Variants in FGF14 observed in about 807,000 individuals in gnomAD.
The protein encoded by FGF14 is fibroblast growth factor homologous factor 4.
A neutral mutation model predicts 25.5 loss-of-function variants in FGF14; 5 were observed. The ratio of observed to expected loss-of-function variants is 0.20; its 90% confidence interval spans 0.10 to 0.41. The LOEUF is 0.41. Ranked by LOEUF, FGF14 falls within the 10% of genes least tolerant of loss-of-function variation. FGF14 has a pLI of 1.00. For synonymous variants in FGF14, 138 were observed against 118.3 expected (o/e 1.17, Z -1.08); for missense variants, 222 against 320.1 (o/e 0.69, Z 2.34).
chr13:102,249,041 T>G (rs2052027921), intron 1 of FGF14, among the ~76,000 whole-genome samples: 1 of 152,106 alleles, frequency 6.6e-6, no homozygotes, highest in African/African-American at 2.4e-5. Flanking sequence ...ACATGGGTTC[T>G]AGGTATGGTG....
At chr13:102,156,579 C>G (rs1380470870) in intron 1 of FGF14, among the ~76,000 whole-genome samples, 5 of 152,198 alleles carry the variant, frequency 3.3e-5, no homozygotes, top group Admixed American at 6.5e-5. Flanking sequence ...AAACTGGAAG[C>G]ATTCCCTTTG....
At chr13:102,223,207 AC>A (rs2050693890) in intron 1 of FGF14, among the ~76,000 whole-genome samples, 3 of 152,152 alleles carry the variant, frequency 2.0e-5, no homozygotes, top group African/African-American at 7.2e-5. Flanking sequence ...ATGTAAGACC[AC>A]TTTACTAAAA....
At chr13:101,863,380 T>C (rs927365337) in intron 3 of FGF14, among the ~76,000 whole-genome samples, 3 of 152,176 alleles carry the variant, frequency 2.0e-5, no homozygotes, top group African/African-American at 7.2e-5. Flanking sequence ...GCAATGGATG[T>C]TGATGGCCAG....
At chr13:102,167,772 A>G (rs1167313615) in intron 1 of FGF14, among the ~76,000 whole-genome samples, 1 of 150,498 alleles carries the variant, frequency 6.6e-6, no homozygotes, top group Admixed American at 6.7e-5. Flanking sequence ...TCATTAAGAT[A>G]TTAGAAACTG....
chr13:102,032,186 T>C (rs942456573), intron 1 of FGF14, among the ~76,000 whole-genome samples: 2 of 152,148 alleles, frequency 1.3e-5, no homozygotes, highest in Non-Finnish European at 2.9e-5. Flanking sequence ...TATATCCACA[T>C]TGGAATCAAA....
chr13:101,916,535 G>A lies in FGF14; in HGVS notation c.111C>T (p.Arg37=), dbSNP rs770096209. Reference sequence around the variant, plus strand: ...CCACCAGGTTGCCGTTGCAGAGCCCGCGGTTCTTGCTGGGGCTGCTCCGCC... The same window carrying A: ...CCACCAGGTTGCCGTTGCAGAGCCCACGGTTCTTGCTGGGGCTGCTCCGCC... The part of the protein sequence containing the change: ...SRRRSSPSKN[R]GLCNGNLVDI... Residue 37 remains arginine, a synonymous_variant, in exon 1 of 5, where the codon CGC becomes CGT. Coordinates refer to ENST00000376143, the MANE Select transcript of FGF14 (RefSeq NM_004115.4). 50 of 1,613,706 alleles carry A rather than the reference G, an allele frequency of 3.1e-5. No individual in the cohort carries two copies. Among genetic ancestry groups the A allele is most frequent in the Non-Finnish European group, 4.2e-5 (50 of 1,179,926 alleles).
chr13:102,398,013 A>AGTGT (rs3067869), intron 1 of FGF14, among the ~76,000 whole-genome samples: 32,029 of 146,988 alleles, frequency 0.22, 3,460 homozygotes, highest in South Asian at 0.27. Context: ...GACATTTAAG[A>AGTGT]GTGTGTGTGT....
At chr13:101,928,039 C>T (rs1426512751) in intron 1 of FGF14, among the ~76,000 whole-genome samples, 1 of 152,162 alleles carries the variant, frequency 6.6e-6, no homozygotes, top group Non-Finnish European at 1.5e-5. Context: ...AAAATAGTCC[C>T]TCTCTAGAAG....
chr13:101,974,093 C>A (rs7981308), intron 1 of FGF14, among the ~76,000 whole-genome samples: 2,294 of 152,272 alleles, frequency 0.015, 60 homozygotes, highest in African/African-American at 0.052. Context: ...TTCATTTTGA[C>A]TTGAGTTAGC....
intron 1 of FGF14, among the ~76,000 whole-genome samples, chr13:102,212,515 CT>C (rs1242046875): frequency 6.6e-6 from 1 of 152,124 alleles, no homozygotes; most frequent in East Asian, 1.9e-4. Flanking sequence ...CAGAATCTGC[CT>C]TTCTCTGCCT....
intron 3 of FGF14, among the ~76,000 whole-genome samples, chr13:101,806,457 A>G (rs1021535506): frequency 6.6e-6 from 1 of 151,346 alleles, no homozygotes; most frequent in Non-Finnish European, 1.5e-5. Flanking sequence ...AAATATATGT[A>G]TATGTACATT....
At chr13:101,988,759 T>C (rs1380412553) in intron 1 of FGF14, among the ~76,000 whole-genome samples, 1 of 151,146 alleles carries the variant, frequency 6.6e-6, no homozygotes, top group Non-Finnish European at 1.5e-5. Context: ...CTAATGTTAA[T>C]GATGAGTTAA....
intron 1 of FGF14, among the ~76,000 whole-genome samples, chr13:101,909,858 A>T (rs1477962961): frequency 1.2e-4 from 19 of 152,202 alleles, no homozygotes. Context: ...TCCAACAATG[A>T]TAGACTGGGT....
chr13:101,839,050 C>T (rs947233168), intron 3 of FGF14, among the ~76,000 whole-genome samples: 2 of 152,028 alleles, frequency 1.3e-5, no homozygotes, highest in Non-Finnish European at 2.9e-5. Context: ...ATTTAAAAGT[C>T]ACCCAAGGTG....
At chr13:101,733,296 C>T (rs1341484199) in intron 3 of FGF14, among the ~76,000 whole-genome samples, 2 of 151,842 alleles carry the variant, frequency 1.3e-5, no homozygotes, top group Admixed American at 6.6e-5. Flanking sequence ...TAATTATGTA[C>T]GAGTTTAAGA....
At position 101,733,503 on chromosome 13, in the gene FGF14, G is replaced by A. The variant is rs1350816717; in HGVS notation, c.409-6693C>T. 4.6e-5 allele frequency among the ~76,000 whole-genome samples: 7 copies of A among 151,236 alleles called. No individual in the cohort carries two copies. In the East Asian group the frequency reaches 7.8e-4, roughly 17 times the overall value. ...CCAGCTACTCGGGAGGCTGAGGCAGGAGACTCACTTGAACCTGGGAGGCAG... is the reference window on the plus strand; with the variant it reads ...CCAGCTACTCGGGAGGCTGAGGCAGAAGACTCACTTGAACCTGGGAGGCAG... On this transcript the variant is annotated intron_variant, in intron 3 of 4. Coordinates refer to ENST00000376143, the MANE Select transcript of FGF14 (RefSeq NM_004115.4).
At chr13:101,879,854 A>G (rs187105860) in intron 1 of FGF14, among the ~76,000 whole-genome samples, 1 of 152,294 alleles carries the variant, frequency 6.6e-6, no homozygotes, top group African/African-American at 2.4e-5. Context: ...CACTCCCAGT[A>G]GCAGAAAATA....
At chr13:101,995,715 G>A (rs957361111) in intron 1 of FGF14, among the ~76,000 whole-genome samples, 1 of 152,176 alleles carries the variant, frequency 6.6e-6, no homozygotes, top group East Asian at 1.9e-4. Flanking sequence ...ACTCTCTTCA[G>A]TCTCAAATCA....
At chr13:101,872,991 C>T (rs375117863) in intron 2 of FGF14, among the ~76,000 whole-genome samples, 3 of 151,346 alleles carry the variant, frequency 2.0e-5, no homozygotes, top group Admixed American at 6.6e-5. Context: ...TTTCAAGATT[C>T]GTTCTGAGTT....
Sources: gnomAD v4.1 joint callset for allele counts (sites outside exome capture counted in the v4.1 genomes callset) on GRCh38, gnomAD v4.1.1 for gene constraint, MANE v1.5 for transcripts, NCBI Gene and HGNC (gene_info 2026-07-23, HGNC 2026-07-21) for gene names.